Variants in C2orf78 observed in about 807,000 individuals in gnomAD.
The protein encoded by C2orf78 is chromosome 2 open reading frame 78, also known as uncharacterized protein C2orf78.
A neutral mutation model predicts 21.4 loss-of-function variants in C2orf78; 12 were observed. That is an observed-to-expected ratio of 0.56 (90% CI 0.36 to 0.91). The LOEUF (loss-of-function observed/expected upper bound fraction) is 0.91. Among genes scored for constraint, C2orf78 ranks in the 40% least tolerant of loss-of-function variants. C2orf78 has a pLI of 0.01. For synonymous variants in C2orf78, 396 were observed against 413.9 expected, an observed-to-expected ratio of 0.96 and a Z score of 0.52; for missense variants, 1,042 against 1,092.4, an observed-to-expected ratio of 0.95 and a Z score of 0.65.
intron 1 of C2orf78, among the ~76,000 whole-genome samples, chr2:73,809,528 C>A (rs1021042998): frequency 1.8e-4 from 27 of 151,880 alleles, no homozygotes; most frequent in Non-Finnish European, 2.1e-4. Flanking sequence ...CTCATGCCTG[C>A]AATGTCAATG....
At chr2:73,786,175 T>C (rs1672928953) in intron 1 of C2orf78, among the ~76,000 whole-genome samples, 1 of 152,002 alleles carries the variant, frequency 6.6e-6, no homozygotes, top group African/African-American at 2.4e-5. Context: ...AGGTCAGAAG[T>C]TGGAGACCAG....
chr2:73,811,885 T>A (rs1268064402), intron 1 of C2orf78, among the ~76,000 whole-genome samples: 1 of 152,194 alleles, frequency 6.6e-6, no homozygotes. Context: ...TGTCATTTGC[T>A]GGGTAATATT....
chr2:73,786,259 A>C (rs1672931649), intron 1 of C2orf78, among the ~76,000 whole-genome samples: 1 of 151,620 alleles, frequency 6.6e-6, no homozygotes, highest in South Asian at 2.1e-4. Context: ...GTGCACCTGT[A>C]ATCCTCCTAC....
chr2:73,786,155 G>C (rs373304262), intron 1 of C2orf78, among the ~76,000 whole-genome samples: 2 of 151,776 alleles, frequency 1.3e-5, no homozygotes, highest in African/African-American at 4.8e-5. Context: ...TGACGCAGGC[G>C]GATTGCCTGA....
chr2:73,810,081 G>C (rs1673047646), intron 1 of C2orf78, among the ~76,000 whole-genome samples: 1 of 152,090 alleles, frequency 6.6e-6, no homozygotes, highest in Admixed American at 6.6e-5. Flanking sequence ...GTTGGTTTTA[G>C]CAAATGCTTA....
At chr2:73,810,549 AT>A (rs1048734066) in intron 1 of C2orf78, among the ~76,000 whole-genome samples, 45 of 142,732 alleles carry the variant, frequency 3.2e-4, no homozygotes, top group African/African-American at 1.2e-3. Context: ...ATATATATAT[AT>A]ATACATAAAA....
At chr2:73,815,336 G>T in exon 3 of C2orf78, 1 of 1,613,896 alleles carries the variant, frequency 6.2e-7, no homozygotes, top group Non-Finnish European at 8.5e-7. Context: ...ACCTTTCAAA[G>T]CCTCTAGATG....
exon 3 of C2orf78, chr2:73,816,724 G>C: frequency 1.9e-6 from 3 of 1,613,956 alleles, no homozygotes; most frequent in Non-Finnish European, 2.5e-6. Context: ...GCTGTGACCA[G>C]TCTCCGGTCA....
Position 73,815,319 on chromosome 2 carries a change from A to C in C2orf78, c.1096A>C (p.Lys366Gln), listed in dbSNP as rs1355172431. The C allele has an allele frequency of 1.9e-6, 3 of 1,613,854 alleles. No individual in the cohort carries two copies. The African/African-American group carries it at 4.0e-5, about 22-fold the overall frequency. Residue 366 changes from lysine (K) to glutamine (Q), a missense_variant, in exon 3 of 3, where the codon AAA becomes CAA. Around this residue, in one of 2 missense-constraint regions of C2orf78, gnomAD observed 1,039 missense variants for 1,069.7 expected, o/e 0.97. Transcript: ENST00000409561. ...TGAGAATGAGAATTTGGATGAGATT[A>C]AAACCAACCTTTCAAAGCCTCTAGA... is the stretch of plus-strand genomic sequence containing the variant.
intron 1 of C2orf78, among the ~76,000 whole-genome samples, chr2:73,811,350 G>A (rs188340290): frequency 2.6e-5 from 4 of 152,176 alleles, no homozygotes; most frequent in South Asian, 2.1e-4. Flanking sequence ...TGGTTACCTA[G>A]AGAGCTGGAG....
intron 1 of C2orf78, chr2:73,808,922 A>C: frequency 1.2e-6 from 1 of 803,382 alleles, no homozygotes; most frequent in South Asian, 1.7e-5. Flanking sequence ...AAACTTTTTA[A>C]AAAGGTTTTC....
chr2:73,808,642 T>C (rs1673007426), intron 1 of C2orf78: 1 of 214,574 alleles, frequency 4.7e-6, no homozygotes, highest in Non-Finnish European at 7.9e-6. Flanking sequence ...CCCTATTGGC[T>C]ATCGCAGACC....
chr2:73,808,669 T>C, intron 1 of C2orf78: 1 of 1,312,120 alleles, frequency 7.6e-7, no homozygotes, highest in South Asian at 1.3e-5. Context: ...CTGCCTGCTT[T>C]GTGACATCAT....
chr2:73,816,795 A>G (rs1204120279), exon 3 of C2orf78: 1 of 1,613,914 alleles, frequency 6.2e-7, no homozygotes, highest in African/African-American at 1.3e-5. Flanking sequence ...CCGTCCATGG[A>G]GGAAACCCAC....
intron 1 of C2orf78, among the ~76,000 whole-genome samples, chr2:73,809,191 T>C (rs62150704): frequency 0.59 from 89,128 of 151,360 alleles, 27,323 homozygotes; most frequent in East Asian, 0.7. Flanking sequence ...GGTATACGTA[T>C]AGAAAATGAA....
intron 1 of C2orf78, among the ~76,000 whole-genome samples, chr2:73,785,619 A>C (rs2103966884): frequency 6.6e-6 from 1 of 152,222 alleles, no homozygotes; most frequent in South Asian, 2.1e-4. Context: ...AGATCAATGG[A>C]CGAGGAAGGA....
At chr2:73,810,625 T>C (rs1673064123) in intron 1 of C2orf78, among the ~76,000 whole-genome samples, 1 of 135,382 alleles carries the variant, frequency 7.4e-6, no homozygotes, top group African/African-American at 2.7e-5. Flanking sequence ...TATATATACA[T>C]AATATATATA....
Position 73,808,122 on chromosome 2 carries a change from C to T in C2orf78, c.98-5355C>T, listed in dbSNP as rs189391830. Among the ~76,000 whole-genome samples, 598 of 151,028 alleles carry T rather than the reference C, an allele frequency of 4.0e-3. 37 individuals are homozygous for T. The highest frequency in any genetic ancestry group is 0.014 in the African/African-American group (572 of 40,396). Reference sequence around the variant, plus strand: ...ACAAAAAATTAGCCGGCTGAAGTGGCAGGCGCCTGTAGTCCCAGCTACTAA... The same window carrying T: ...ACAAAAAATTAGCCGGCTGAAGTGGTAGGCGCCTGTAGTCCCAGCTACTAA... On this transcript the variant is annotated intron_variant, in intron 1 of 2. Coordinates refer to ENST00000409561, the Ensembl canonical transcript of C2orf78.
chr2:73,813,587 G>C (rs1352726572), exon 2 of C2orf78: 1 of 1,613,878 alleles, frequency 6.2e-7, no homozygotes, highest in Non-Finnish European at 8.5e-7. Flanking sequence ...CTTCTCCAGA[G>C]CCTCTGCTCC....
Sources: gnomAD v4.1 joint callset for allele counts (sites outside exome capture counted in the v4.1 genomes callset) on GRCh38, gnomAD v4.1.1 for gene constraint, gnomAD v4.1.1 regional missense constraint, MANE v1.5 for transcripts, NCBI Gene and HGNC (gene_info 2026-07-23, HGNC 2026-07-21) for gene names.